Variants in PALM2AKAP2 observed in about 807,000 individuals in gnomAD.
The protein encoded by PALM2AKAP2 is PALM2-AKAP2 fusion protein.
In PALM2AKAP2, 37 loss-of-function variants were observed where a neutral mutation model predicts 71.5. That is an observed-to-expected ratio of 0.52 (90% CI 0.40 to 0.68). The LOEUF (loss-of-function observed/expected upper bound fraction) is 0.68, where lower values mean the gene tolerates loss of function less well. Among genes scored for constraint, PALM2AKAP2 ranks in the 30% least tolerant of loss-of-function variants. PALM2AKAP2 has a pLI of 0.00. For missense variants in PALM2AKAP2, 1,224 were observed against 1,191.8 expected, an observed-to-expected ratio of 1.03 and a Z score of -0.40; for synonymous variants, 468 against 478.8, an observed-to-expected ratio of 0.98 and a Z score of 0.29.
At chr9:109,820,978 A>G (rs536257547) in intron 1 of PALM2AKAP2, among the ~76,000 whole-genome samples, 2 of 152,308 alleles carry the variant, frequency 1.3e-5, no homozygotes, top group Non-Finnish European at 2.9e-5. Flanking sequence ...TGGGCACCCA[A>G]CTACGCCCAG....
At chr9:109,994,987 G>A (rs1337930041) in intron 6 of PALM2AKAP2, among the ~76,000 whole-genome samples, 3 of 152,182 alleles carry the variant, frequency 2.0e-5, no homozygotes, top group Admixed American at 2.0e-4. Flanking sequence ...ATGTCTACAA[G>A]CCACCAGGGC....
intron 2 of PALM2AKAP2, among the ~76,000 whole-genome samples, chr9:109,878,027 C>T (rs1829757219): frequency 6.6e-6 from 1 of 152,176 alleles, no homozygotes; most frequent in African/African-American, 2.4e-5. Context: ...AAAACAGGGT[C>T]TGTCGGGGAA....
intron 1 of PALM2AKAP2, among the ~76,000 whole-genome samples, chr9:109,686,634 T>TTTA (rs1287128117): frequency 6.7e-6 from 1 of 149,828 alleles, no homozygotes; most frequent in Non-Finnish European, 1.5e-5. Context: ...TATTTATTTA[T>TTTA]TTTATTTTTT....
Position 110,136,985 on chromosome 9 carries a change from A to G in PALM2AKAP2, c.1015A>G (p.Ile339Val), listed in dbSNP as rs1314537760. 6 of 1,614,062 alleles carry G rather than the reference A, an allele frequency of 3.7e-6. No individual in the cohort carries two copies. The African/African-American group carries it at 4.0e-5, about 11-fold the overall frequency. ...GTGGAATCCCCCGCAGGAAAAAACC[A>G]TCGAGGAGCAGCTGGACGAGGAACA... Residue 339 changes from isoleucine to valine, a missense_variant, in exon 2 of 4, where the codon ATC becomes GTC. Transcript: ENST00000374525.
chr9:109,740,497 A>C (rs1451392952), intron 1 of PALM2AKAP2, among the ~76,000 whole-genome samples: 1 of 152,176 alleles, frequency 6.6e-6, no homozygotes, highest in African/African-American at 2.4e-5. Context: ...CAGAGGCAAC[A>C]ACAAGGACTG....
intron 1 of PALM2AKAP2, among the ~76,000 whole-genome samples, chr9:109,792,521 A>G (rs1003788420): frequency 2.8e-4 from 42 of 152,258 alleles, no homozygotes; most frequent in African/African-American, 9.1e-4. Context: ...GAACAGTTCC[A>G]TCACCCCCAA....
intron 2 of PALM2AKAP2, among the ~76,000 whole-genome samples, chr9:109,873,739 A>G (rs1255493751): frequency 6.6e-6 from 1 of 152,220 alleles, no homozygotes; most frequent in Non-Finnish European, 1.5e-5. Flanking sequence ...ACATCTGACC[A>G]GGAAACAACA....
At chr9:109,685,260 GTA>G (rs1239876499) in intron 1 of PALM2AKAP2, among the ~76,000 whole-genome samples, 1 of 152,102 alleles carries the variant, frequency 6.6e-6, no homozygotes, top group East Asian at 1.9e-4. Flanking sequence ...CACATACCGT[GTA>G]TGTCATTGAA....
chr9:109,832,284 T>C (rs1169996443), intron 1 of PALM2AKAP2, among the ~76,000 whole-genome samples: 2 of 152,224 alleles, frequency 1.3e-5, no homozygotes, highest in East Asian at 1.9e-4. Flanking sequence ...CGCTTACTAG[T>C]GTGTAAACAT....
At chr9:109,714,770 C>T (rs1828291198) in intron 1 of PALM2AKAP2, among the ~76,000 whole-genome samples, 1 of 152,162 alleles carries the variant, frequency 6.6e-6, no homozygotes, top group Non-Finnish European at 1.5e-5. Flanking sequence ...CTAGGAATTG[C>T]CCTCACCTGA....
chr9:109,834,175 T>C (rs997530568), intron 1 of PALM2AKAP2, among the ~76,000 whole-genome samples: 4 of 152,244 alleles, frequency 2.6e-5, no homozygotes, highest in Admixed American at 6.5e-5. Context: ...ATCACACCAC[T>C]GCATTCCAGC....
At chr9:109,753,496 A>G (rs563424509) in intron 1 of PALM2AKAP2, among the ~76,000 whole-genome samples, 1 of 152,300 alleles carries the variant, frequency 6.6e-6, no homozygotes, top group South Asian at 2.1e-4. Context: ...GTGACAAAAC[A>G]GGCTTTTCTG....
At position 109,782,744 on chromosome 9, in the gene PALM2AKAP2, T is replaced by TTGTGTGTGTGTG. The variant is rs71492863; in HGVS notation, c.45+2233_45+2244dup. ...AGATTTGCTAACAGCGTGTGTTTGT[T>TTGTGTGTGTGTG]TGTGTGTGTGTGTGTGTGTGTGTGT... On this transcript the variant is annotated intron_variant, in intron 1 of 9. Coordinates refer to the PALM2AKAP2 transcript ENST00000302798. Among the ~76,000 whole-genome samples the TTGTGTGTGTGTG allele has an allele frequency of 4.6e-3, 668 of 144,288 alleles. 8 individuals are homozygous for TTGTGTGTGTGTG. The highest frequency in any genetic ancestry group is 0.016 in the South Asian group (71 of 4,506). The allele number at this position is 144,288 out of a possible 152,430, so 94.7% of individuals were successfully genotyped here. A position where few individuals can be genotyped will look rare whatever the true frequency, so the allele number is the denominator to read the frequency against.
intron 1 of PALM2AKAP2, among the ~76,000 whole-genome samples, chr9:110,068,087 C>T (rs35075490): frequency 0.089 from 10,894 of 122,858 alleles, 691 homozygotes; most frequent in Middle Eastern, 0.13. Context: ...GTTCCAAACT[C>T]TTTTTTTTTT....
chr9:109,784,349 G>A (rs1368914015), intron 1 of PALM2AKAP2, among the ~76,000 whole-genome samples: 3 of 152,306 alleles, frequency 2.0e-5, no homozygotes, highest in African/African-American at 4.8e-5. Context: ...CAATCTCAGA[G>A]TTGTGAAACA....
chr9:110,123,734 C>CAAAAT (rs1835538600), intron 1 of PALM2AKAP2, among the ~76,000 whole-genome samples: 1 of 152,182 alleles, frequency 6.6e-6, no homozygotes, highest in African/African-American at 2.4e-5. Flanking sequence ...AGATTTAAAA[C>CAAAAT]CTTTTTCTAA....
intron 1 of PALM2AKAP2, among the ~76,000 whole-genome samples, chr9:109,790,257 A>C (rs1240792351): frequency 6.6e-6 from 1 of 152,136 alleles, no homozygotes; most frequent in African/African-American, 2.4e-5. Flanking sequence ...AATATCTTGA[A>C]GGCATTTGTA....
intron 1 of PALM2AKAP2, among the ~76,000 whole-genome samples, chr9:109,662,606 A>G (rs2118460662): frequency 6.7e-6 from 1 of 150,004 alleles, no homozygotes; most frequent in East Asian, 1.9e-4. Flanking sequence ...GATGTTCATC[A>G]GGGATATTGG....
chr9:109,867,520 A>G, exon 2 of PALM2AKAP2: 9 of 1,613,014 alleles, frequency 5.6e-6, no homozygotes, highest in Non-Finnish European at 7.6e-6. Flanking sequence ...CTGAAATAGA[A>G]GGCAAGCGAC....
Sources: allele counts gnomAD v4.1 joint callset (sites outside exome capture counted in the v4.1 genomes callset), GRCh38; gene constraint gnomAD v4.1.1; transcripts MANE v1.5; gene names NCBI Gene and HGNC (gene_info 2026-07-23, HGNC 2026-07-21).